SCUBE1: variants seen among roughly 807,000 people sequenced by gnomAD.
SCUBE1 encodes signal peptide, CUB and EGF-like domain-containing protein 1.
In SCUBE1, 59 loss-of-function variants were observed where a neutral mutation model predicts 124.4. The observed-to-expected ratio is 0.47, with a 90% CI of 0.38 to 0.59. The LOEUF is 0.59. Among genes scored for constraint, SCUBE1 ranks in the 20% least tolerant of loss-of-function variants. The pLI is 0.00. For missense variants in SCUBE1, 1,150 were observed against 1,371.2 expected (o/e 0.84, Z 2.55); for synonymous variants, 545 against 550.9 (o/e 0.99, Z 0.15).
At chr22:43,209,249 C>G (rs111672322) in intron 19 of SCUBE1, among the ~76,000 whole-genome samples, 74 of 152,300 alleles carry the variant, frequency 4.9e-4, no homozygotes, top group African/African-American at 1.7e-3. Flanking sequence ...CACTGGGTAC[C>G]CAGAGATGTT....
At chr22:43,227,648 C>G in intron 9 of SCUBE1, 152 bp from the exon 10 acceptor site, 19 of 915,454 alleles carry the variant, frequency 2.1e-5, no homozygotes, top group Non-Finnish European at 3.1e-5. Context: ...ACACGCCACA[C>G]GCACACACAC....
rs886950630 is a variant in SCUBE1, at chr22:43,257,665, C to A, written c.727+554G>T. Among the ~76,000 whole-genome samples, 4 of 152,162 alleles carry A rather than the reference C, an allele frequency of 2.6e-5. No homozygotes were observed. In the South Asian group the frequency reaches 8.3e-4, roughly 32 times the overall value. Reference sequence around the variant, plus strand: ...AGAGACCAGCAGTGAAAACACCACACCCACGCAGGGCCCACACTGTCCATC... The same window carrying A: ...AGAGACCAGCAGTGAAAACACCACAACCACGCAGGGCCCACACTGTCCATC... On this transcript the variant is annotated intron_variant, in intron 6 of 21. Transcript: ENST00000360835.
intron 4 of SCUBE1, among the ~76,000 whole-genome samples, chr22:43,285,575 G>C (rs978372541): frequency 6.6e-6 from 1 of 152,200 alleles, no homozygotes; most frequent in Admixed American, 6.5e-5. Context: ...AAGAGGCAGA[G>C]CCCAACAGTT....
In SCUBE1 at chr22:43,201,318, AAAAAAAAAAGAAAACAAAAAAAGAAAAC is replaced by A. The variant is rs1921001972; in HGVS notation, c.*2651_*2678del. 6.6e-5 allele frequency: 10 copies of A among 150,546 alleles called. No homozygotes were observed. In the South Asian group the frequency reaches 1.9e-3, roughly 28 times the overall value. The allele number at this position is 150,546 out of a possible 1,614,324, so 9.3% of individuals were successfully genotyped here. ...GACTCCATCTCAAAAAAAAAAAAAAAAAAAAAAAAGAAAACAAAAAAAGAAAACAAAAAACAAAACAAAAAAAACAAAA... is the reference window on the plus strand; with the variant it reads ...GACTCCATCTCAAAAAAAAAAAAAAAAAAAAACAAAACAAAAAAAACAAAA... On this transcript the variant is annotated 3_prime_UTR_variant, in exon 22 of 22. Transcript: ENST00000360835.
At chr22:43,262,493 G>A (rs1923908655) in intron 5 of SCUBE1, among the ~76,000 whole-genome samples, 1 of 152,198 alleles carries the variant, frequency 6.6e-6, no homozygotes, top group Non-Finnish European at 1.5e-5. Flanking sequence ...CCAGCTCCTG[G>A]GGCTACACTG....
rs912496637 is a variant in SCUBE1, at chr22:43,258,409, G to A, written c.611-74C>T. ...AACGGTTAGTTTGCCGGTGTTGGCG[G>A]CTGCCTTCAGGGTATGGGGAAACTG... On this transcript the variant is annotated intron_variant, in intron 5 of 21. Transcript: ENST00000360835. This position sits in a 1 kb window ranked among gnomAD's most constrained non-coding sequence, Gnocchi z 5.0. 192 of 1,136,224 alleles carry A rather than the reference G, an allele frequency of 1.7e-4. No homozygotes were observed. Among genetic ancestry groups the A allele is most frequent in the Non-Finnish European group, 2.1e-4 (155 of 747,470 alleles). 70.4% of individuals were successfully genotyped at this position (1,136,224 alleles called of 1,614,324 possible).
intron 8 of SCUBE1, among the ~76,000 whole-genome samples, chr22:43,231,367 A>G (rs1922543949): frequency 6.6e-6 from 1 of 152,196 alleles, no homozygotes; most frequent in Non-Finnish European, 1.5e-5. Flanking sequence ...TGTTCCCAGC[A>G]GGTGAGGATT....
chr22:43,319,348 CA>C (rs1338371576), intron 3 of SCUBE1, among the ~76,000 whole-genome samples: 3 of 151,966 alleles, frequency 2.0e-5, no homozygotes, highest in Non-Finnish European at 4.4e-5. Flanking sequence ...AGGCGGATCA[CA>C]AGGTCAGTAG....
At chr22:43,236,541 TG>T (rs1922769508) in intron 7 of SCUBE1, among the ~76,000 whole-genome samples, 1 of 152,218 alleles carries the variant, frequency 6.6e-6, no homozygotes, top group African/African-American at 2.4e-5. Flanking sequence ...CAGTGCTGAC[TG>T]GGACCTGGCC....
At chr22:43,228,699 CCCTCTACT>C (rs1390264082) in intron 9 of SCUBE1, among the ~76,000 whole-genome samples, 1 of 152,120 alleles carries the variant, frequency 6.6e-6, no homozygotes, top group Non-Finnish European at 1.5e-5. Flanking sequence ...CCCGAATTGC[CCCTCTACT>C]CTGCCCCTCT....
chr22:43,219,070 A>G (rs779057286), intron 14 of SCUBE1, among the ~76,000 whole-genome samples: 2 of 152,168 alleles, frequency 1.3e-5, no homozygotes, highest in Admixed American at 6.5e-5. Context: ...CTTCTGGGAA[A>G]GCTTCCTGAT....
At chr22:43,269,814 G>A (rs531425635) in intron 4 of SCUBE1, among the ~76,000 whole-genome samples, 3 of 152,268 alleles carry the variant, frequency 2.0e-5, no homozygotes, top group African/African-American at 7.2e-5. Flanking sequence ...TCCCACCAAC[G>A]TTGAAGGGGG....
At chr22:43,225,989 G>A (rs1922287436) in intron 10 of SCUBE1, among the ~76,000 whole-genome samples, 1 of 152,182 alleles carries the variant, frequency 6.6e-6, no homozygotes, top group Non-Finnish European at 1.5e-5. Flanking sequence ...GTGAGACTTT[G>A]CCTGAAAAGC....
At chr22:43,294,756 C>T (rs769293839) in intron 3 of SCUBE1, among the ~76,000 whole-genome samples, 4 of 152,188 alleles carry the variant, frequency 2.6e-5, no homozygotes, top group Non-Finnish European at 4.4e-5. Flanking sequence ...TTCTCTGCCC[C>T]GTGGAACTGA....
At position 43,281,550 on chromosome 22, in the gene SCUBE1, GTCACCTCCCCCTCA is replaced by G. The variant is rs1311541423; in HGVS notation, c.484+9482_484+9495del. 1.7e-3 allele frequency among the ~76,000 whole-genome samples: 134 copies of G among 77,710 alleles called. 5 individuals carry two copies. The East Asian group carries it at 0.019, about 11-fold the overall frequency. 51.0% of individuals were successfully genotyped at this position (77,710 alleles called of 152,430 possible). A position where few individuals can be genotyped will look rare whatever the true frequency, so the allele number is the denominator to read the frequency against. On this transcript the variant is annotated intron_variant, in intron 4 of 21. Transcript: ENST00000360835. The stretch of plus-strand genomic sequence containing the variant: ...TGTCACCTCCCTCAGTCACCCTCCT[GTCACCTCCCCCTCA>G]GCCACCCTCCTGTCACCTCCCTTCT...
intron 13 of SCUBE1, 73 bp from the exon 14 acceptor site, chr22:43,220,660 CAG>C: frequency 6.4e-7 from 1 of 1,554,594 alleles, no homozygotes; most frequent in Non-Finnish European, 8.7e-7. Flanking sequence ...GCCCTGCATA[CAG>C]AGTGCCATTG....
In SCUBE1 at chr22:43,253,757, G is replaced by A. The variant is rs550118613; in HGVS notation, c.727+4462C>T. Among the ~76,000 whole-genome samples, 23 of 152,296 alleles carry A rather than the reference G, an allele frequency of 1.5e-4. No individual in the cohort carries two copies. In the East Asian group the frequency reaches 3.5e-3, roughly 23 times the overall value. Reference sequence around the variant, plus strand: ...CCCATTTACGTGATGCCAACACAGCGCGGCCCTCTTCCACCACCCATCCTC... The same window carrying A: ...CCCATTTACGTGATGCCAACACAGCACGGCCCTCTTCCACCACCCATCCTC... On this transcript the variant is annotated intron_variant, in intron 6 of 21. Coordinates refer to ENST00000360835, the MANE Select transcript of SCUBE1 (RefSeq NM_173050.5).
chr22:43,231,718 G>T, intron 8 of SCUBE1, 35 bp downstream of exon 8: 1 of 1,545,580 alleles, frequency 6.5e-7, no homozygotes. Context: ...ATCCCGCTGG[G>T]CCCGAGAGCC....
At chr22:43,225,682 G>A (rs566509603) in intron 10 of SCUBE1, among the ~76,000 whole-genome samples, 2 of 151,654 alleles carry the variant, frequency 1.3e-5, no homozygotes, top group African/African-American at 2.4e-5. Context: ...GATTACAGGC[G>A]TGAGTCACCG....
Sources: gnomAD v4.1 joint callset for allele counts (sites outside exome capture counted in the v4.1 genomes callset) on GRCh38, gnomAD v4.1.1 for gene constraint, Gnocchi (gnomAD v3.1) non-coding constraint, MANE v1.5 for transcripts, NCBI Gene and HGNC (gene_info 2026-07-23, HGNC 2026-07-21) for gene names.